The following MAZ variants were observed in gnomAD, a reference collection of about 807,000 sequenced individuals.
MAZ encodes MYC associated zinc finger protein, also known as myc-associated zinc finger protein.
Under a neutral mutation model 32.7 loss-of-function variants are expected in MAZ, and 4 were observed. That is an observed-to-expected ratio of 0.12 (90% CI 0.06 to 0.28). MAZ has a LOEUF of 0.28. Among genes scored for constraint, MAZ ranks in the 10% least tolerant of loss-of-function variants. The probability of loss-of-function intolerance (pLI) is 1.00; values close to 1 mark genes in which losing one functional copy is unlikely to be tolerated. For missense variants in MAZ, 763 were observed against 667.2 expected (o/e 1.14, Z -1.58); for synonymous variants, 510 against 297.6 (o/e 1.71, Z -7.35).
chr16:29,807,140 G>C lies in MAZ; in HGVS notation c.355G>C (p.Ala119Pro). The change falls in exon 2 of 5, where the codon GCC (alanine) becomes CCC (proline). Residue 119 changes from alanine to proline, a missense_variant. Transcript: ENST00000322945. ...TGCCGCGCCCCCGGCCCCTGCCGCC[G>C]CCTCTACGGTGGACACAGCGGCCCT... ...VAAAPPAPAA[A>P]STVDTAALKQ... 2 of 1,041,668 alleles carry C rather than the reference G, an allele frequency of 1.9e-6. No individual in the cohort carries two copies. Among genetic ancestry groups the C allele is most frequent in the Non-Finnish European group, 2.4e-6 (2 of 843,166 alleles). 64.5% of individuals were successfully genotyped at this position (1,041,668 alleles called of 1,614,324 possible).
rs1041454623 is a variant in MAZ, at chr16:29,807,414, C to G, written c.629C>G (p.Ala210Gly). The change falls in exon 2 of 5, where the codon GCC becomes GGC. Residue 210 changes from alanine (A) to glycine (G), a missense_variant. Ala to Gly is a moderately conservative substitution (Grantham distance 60, BLOSUM62 0). Transcript: ENST00000322945. ...KNGYNLRRHE[A>G]IHTGAKAGRV... is the part of the protein sequence containing the mutation. ...GGCTACAATCTCCGGAGGCACGAAG[C>G]CATCCACACGGGAGCCAAGGCCGGC... 12 of 1,612,320 alleles carry G rather than the reference C, an allele frequency of 7.4e-6. No homozygotes were observed. The African/African-American group carries it at 1.6e-4, about 22-fold the overall frequency.
intron 2 of MAZ, 90 bp from the exon 3 acceptor site, chr16:29,808,140 C>A (rs1899652566): frequency 8.3e-7 from 1 of 1,204,620 alleles, no homozygotes; most frequent in Non-Finnish European, 1.2e-6. Flanking sequence ...CGGGAGGAGG[C>A]GCAGGGATCC....
At position 29,806,852 on chromosome 16, in the gene MAZ, C is replaced by T. The variant is rs1316237812; in HGVS notation, c.151C>T (p.Arg51Cys). The change falls in exon 1 of 5, where the codon CGC (arginine) becomes TGC (cysteine). Residue 51 changes from arginine to cysteine, a missense_variant. Transcript: ENST00000322945. ...GCAGGTCGGGGCTGAGCTCCAGTCC[C>T]GCTTCTTTGCCTCCCAGGGCTGCGC... is the stretch of plus-strand genomic sequence containing the variant. The part of the protein sequence containing the change: ...PLQVGAELQS[R>C]FFASQGCAQS... The T allele has an allele frequency of 2.8e-6, 4 of 1,440,146 alleles. No individual in the cohort carries two copies. Among genetic ancestry groups the T allele is most frequent in the African/African-American group, 1.5e-5 (1 of 65,670 alleles). 89.2% of individuals were successfully genotyped at this position (1,440,146 alleles called of 1,614,324 possible).
In MAZ at chr16:29,806,789, T is replaced by A. The variant is rs1899489911; in HGVS notation, c.88T>A (p.Ser30Thr). 1 of 1,432,246 alleles carries A rather than the reference T, an allele frequency of 7.0e-7. No homozygotes were observed. The highest frequency in any genetic ancestry group is 9.2e-7 in the Non-Finnish European group (1 of 1,085,652). 88.7% of individuals were successfully genotyped at this position (1,432,246 alleles called of 1,614,324 possible). A position where few individuals can be genotyped will look rare whatever the true frequency, so the allele number is the denominator to read the frequency against. ...CCGGGGGGTGGGCGGCCTCATGAAC[T>A]CCTTCCCGCCACCTCAGGGTCACGC... ...DSRGVGGLMN[S>T]FPPPQGHAQN... Residue 30 changes from serine to threonine, a missense_variant, in exon 1 of 5, where the codon TCC becomes ACC. Physicochemically the swap from Ser to Thr is moderately conservative, Grantham distance 58 (BLOSUM62 1). Coordinates refer to ENST00000322945, the MANE Select transcript of MAZ (RefSeq NM_002383.4).
Position 29,806,853 on chromosome 16 carries a change from G to A in MAZ, c.152G>A (p.Arg51His), listed in dbSNP as rs368747764. 1.4e-6 allele frequency: 2 copies of A among 1,450,312 alleles called. No homozygotes were observed. The highest frequency in any genetic ancestry group is 1.8e-4 in the Middle Eastern group (1 of 5,448). The allele number at this position is 1,450,312 out of a possible 1,614,324, so 89.8% of individuals were successfully genotyped here. A position where few individuals can be genotyped will look rare whatever the true frequency, so the allele number is the denominator to read the frequency against. Residue 51 changes from arginine (R) to histidine (H), a missense_variant, in exon 1 of 5, where the codon CGC becomes CAC. By Grantham distance (29) the Arg-to-His change is conservative. Transcript: ENST00000322945. ...PLQVGAELQS[R>H]FFASQGCAQS... ...CAGGTCGGGGCTGAGCTCCAGTCCC[G>A]CTTCTTTGCCTCCCAGGGCTGCGCC... is the stretch of plus-strand genomic sequence containing the variant.
rs746471941 is a variant in MAZ at position 29,808,209 on chromosome 16, C to T, written c.1044-21C>T. The T allele has an allele frequency of 5.0e-6, 8 of 1,612,002 alleles. No homozygotes were observed. The South Asian group carries it at 6.6e-5, about 13-fold the overall frequency. On this transcript the variant is annotated intron_variant, in intron 2 of 4. Coordinates refer to ENST00000322945, the MANE Select transcript of MAZ (RefSeq NM_002383.4). The stretch of plus-strand genomic sequence containing the variant: ...GGGGCGCACCACCTCCGCCCTAACC[C>T]CAACCCCAACGTGTCCCCAGGCCGG...
chr16:29,810,407 C>T lies in MAZ; in HGVS notation c.*176C>T, dbSNP rs1250229686. 1.3e-5 allele frequency: 10 copies of T among 767,570 alleles called. No individual in the cohort carries two copies. The highest frequency in any genetic ancestry group is 7.3e-5 in the South Asian group (5 of 68,846). The allele number at this position is 767,570 out of a possible 1,614,324, so 47.5% of individuals were successfully genotyped here. A position where few individuals can be genotyped will look rare whatever the true frequency, so the allele number is the denominator to read the frequency against. On this transcript the variant is annotated 3_prime_UTR_variant, in exon 5 of 5. Transcript: ENST00000322945. ...TTCGCTAGGTTTTAACGATTTGTTTCTCCTGCTCCTCTTCTGTCAGACCTG... is the reference window on the plus strand; with the variant it reads ...TTCGCTAGGTTTTAACGATTTGTTTTTCCTGCTCCTCTTCTGTCAGACCTG...
At position 29,806,789 on chromosome 16, in the gene MAZ, T is replaced by G; in HGVS notation, c.88T>G (p.Ser30Ala). The change falls in exon 1 of 5, where the codon TCC (serine) becomes GCC (alanine). Residue 30 changes from serine (S) to alanine (A), a missense_variant. Physicochemically the swap from Ser to Ala is moderately conservative, Grantham distance 99 (BLOSUM62 1). Transcript: ENST00000322945. ...CCGGGGGGTGGGCGGCCTCATGAACTCCTTCCCGCCACCTCAGGGTCACGC... is the reference window on the plus strand; with the variant it reads ...CCGGGGGGTGGGCGGCCTCATGAACGCCTTCCCGCCACCTCAGGGTCACGC... ...DSRGVGGLMN[S>A]FPPPQGHAQN... 7.0e-7 allele frequency: 1 copy of G among 1,432,246 alleles called. No homozygotes were observed. The highest frequency in any genetic ancestry group is 9.2e-7 in the Non-Finnish European group (1 of 1,085,652). 88.7% of individuals were successfully genotyped at this position (1,432,246 alleles called of 1,614,324 possible).
At chr16:29,807,981 C>T in intron 2 of MAZ, 153 bp downstream of exon 2, 2 of 1,376,410 alleles carry the variant, frequency 1.5e-6, no homozygotes, top group Non-Finnish European at 9.7e-7. Flanking sequence ...CTCCCGGTTA[C>T]CAGGGAGCAA....
Position 29,806,598 on chromosome 16 carries a change from C to T in MAZ, c.-104C>T. Reference sequence around the variant, plus strand: ...CGGCCCGCGGGCCATGCGTTCGGCGCGGCCCAGCCCGGCCGGCCGGGGGCG... The same window carrying T: ...CGGCCCGCGGGCCATGCGTTCGGCGTGGCCCAGCCCGGCCGGCCGGGGGCG... On this transcript the variant is annotated 5_prime_UTR_variant, in exon 1 of 5. Transcript: ENST00000322945. 2 of 965,610 alleles carry T rather than the reference C, an allele frequency of 2.1e-6. No homozygotes were observed. The highest frequency in any genetic ancestry group is 2.4e-6 in the Non-Finnish European group (2 of 817,854). 59.8% of individuals were successfully genotyped at this position (965,610 alleles called of 1,614,324 possible). A position where few individuals can be genotyped will look rare whatever the true frequency, so the allele number is the denominator to read the frequency against.
At position 29,807,304 on chromosome 16, in the gene MAZ, GGCCCCGGTC is replaced by G; in HGVS notation, c.522_530del (p.Pro175_Ala177del). The stretch of plus-strand genomic sequence containing the variant: ...TAGCCCCAACCTCGACGGTCGCCGT[GGCCCCGGTC>G]GCGTCTGCCTTGGAGAAGAAGACAA... On this transcript the variant is annotated inframe_deletion, in exon 2 of 5. Transcript: ENST00000322945. 6.3e-7 allele frequency: 1 copy of G among 1,581,172 alleles called. No individual in the cohort carries two copies. Among genetic ancestry groups the G allele is most frequent in the Non-Finnish European group, 8.6e-7 (1 of 1,165,848 alleles).
At position 29,810,044 on chromosome 16, in the gene MAZ, C is replaced by T. The variant is rs775675641; in HGVS notation, c.1280-33C>T. The T allele has an allele frequency of 8.2e-6, 13 of 1,584,578 alleles. No homozygotes were observed. The African/African-American group carries it at 1.6e-4, about 20-fold the overall frequency. On this transcript the variant is annotated intron_variant, in intron 4 of 4. Transcript: ENST00000322945. ...AGGGCAAGGCTCTTGCCATTCAGATCGCGCTGTGATCCGTGGTGTTTCTCC... is the reference window on the plus strand; with the variant it reads ...AGGGCAAGGCTCTTGCCATTCAGATTGCGCTGTGATCCGTGGTGTTTCTCC...
At chr16:29,808,118 C>T (rs1167423284) in intron 2 of MAZ, 112 bp from the exon 3 acceptor site, 64 of 1,077,636 alleles carry the variant, frequency 5.9e-5, no homozygotes, top group Non-Finnish European at 8.8e-5. Flanking sequence ...GTCGCTGTGA[C>T]GGCCTGGGCT....
At position 29,806,567 on chromosome 16, in the gene MAZ, G is replaced by A; in HGVS notation, c.-135G>A. 1 of 945,258 alleles carries A rather than the reference G, an allele frequency of 1.1e-6. No individual in the cohort carries two copies. The highest frequency in any genetic ancestry group is 1.2e-6 in the Non-Finnish European group (1 of 800,202). 58.6% of individuals were successfully genotyped at this position (945,258 alleles called of 1,614,324 possible). A position where few individuals can be genotyped will look rare whatever the true frequency, so the allele number is the denominator to read the frequency against. ...TCCCGCCGGCCGGGGTGCGCGGGCG[G>A]CGGGGCGGCCCGCGGGCCATGCGTT... On this transcript the variant is annotated 5_prime_UTR_variant, in exon 1 of 5. Coordinates refer to ENST00000322945, the MANE Select transcript of MAZ (RefSeq NM_002383.4).
In MAZ at chr16:29,810,428, A is replaced by G. The variant is rs185172960; in HGVS notation, c.*197A>G. The G allele has an allele frequency of 1.2e-4, 91 of 728,592 alleles. No homozygotes were observed. The African/African-American group carries it at 1.4e-3, about 11-fold the overall frequency. The allele number at this position is 728,592 out of a possible 1,614,324, so 45.1% of individuals were successfully genotyped here. On this transcript the variant is annotated 3_prime_UTR_variant, in exon 5 of 5. Transcript: ENST00000322945. ...GTTTCTCCTGCTCCTCTTCTGTCAG[A>G]CCTGACCCCACACAAACCTGTCCCC... is the stretch of plus-strand genomic sequence containing the variant.
At chr16:29,809,174 C>G (rs1446679806) in intron 4 of MAZ, 2 of 491,522 alleles carry the variant, frequency 4.1e-6, no homozygotes, top group Non-Finnish European at 7.2e-6. Context: ...GTCAGACTCA[C>G]CGGTTAACTG....
chr16:29,808,916 G>GTA (rs1412999518), intron 4 of MAZ, 175 bp downstream of exon 4: 2 of 619,706 alleles, frequency 3.2e-6, no homozygotes, highest in African/African-American at 1.9e-5. Flanking sequence ...TAGACTCTAA[G>GTA]AAGTCCTGGT....
Position 29,810,105 on chromosome 16 carries a change from G to GGCAGCGGCA in MAZ, c.1311_1319dup (p.Ala446_Ala448dup), listed in dbSNP as rs760562143. On this transcript the variant is annotated inframe_insertion, in exon 5 of 5. Transcript: ENST00000322945. ...CTGGTGAGGTTTGTCCAATGGCGGC[G>GGCAGCGGCA]GCAGCGGCAGCGGCGGCAGCGGCAG... The GGCAGCGGCA allele has an allele frequency of 1.8e-4, 279 of 1,554,316 alleles. No homozygotes were observed. Among genetic ancestry groups the GGCAGCGGCA allele is most frequent in the African/African-American group, 1.8e-3 (125 of 70,640 alleles).
chr16:29,808,352 T>C lies in MAZ; in HGVS notation c.1107+59T>C, dbSNP rs369185438. ...ATGATTTTGATCCTCATGGTAGCTG[T>C]CTGAGTCAGTCTCTCAGACCCCCTT... On this transcript the variant is annotated intron_variant, in intron 3 of 4. Transcript: ENST00000322945. The C allele has an allele frequency of 7.8e-4, 1,179 of 1,515,050 alleles. 1 individual carries two copies. The highest frequency in any genetic ancestry group is 1.0e-3 in the Non-Finnish European group (1,136 of 1,090,278). The allele number at this position is 1,515,050 out of a possible 1,614,324, so 93.9% of individuals were successfully genotyped here.
Sources: allele counts gnomAD v4.1 joint callset, GRCh38; gene constraint gnomAD v4.1.1; transcripts MANE v1.5; gene names NCBI Gene and HGNC (gene_info 2026-07-23, HGNC 2026-07-21).